Variants in BANK1 observed in about 807,000 individuals in gnomAD.
The protein encoded by BANK1 is B cell scaffold protein with ankyrin repeats 1.
In BANK1, 95 loss-of-function variants were observed where a neutral mutation model predicts 94.5. The ratio of observed to expected loss-of-function variants is 1.00; its 90% CI spans 0.85 to 1.19. The LOEUF is 1.19. Ranked by LOEUF, BANK1 falls within the 50% of genes most tolerant of loss-of-function variation. The pLI is 0.00. For synonymous variants in BANK1, 334 were observed against 308.4 expected (o/e 1.08, Z -0.87); for missense variants, 987 against 932.2 (o/e 1.06, Z -0.77).
intron 7 of BANK1, among the ~76,000 whole-genome samples, chr4:102,016,604 C>A (rs1195847974): frequency 6.6e-6 from 1 of 152,178 alleles, no homozygotes; most frequent in African/African-American, 2.4e-5. Flanking sequence ...TAATTTCCAT[C>A]ATCAGGGTCA....
At chr4:101,837,184 A>G (rs1179403990) in intron 2 of BANK1, among the ~76,000 whole-genome samples, 2 of 152,230 alleles carry the variant, frequency 1.3e-5, no homozygotes, top group Non-Finnish European at 2.9e-5. Context: ...TCACAAATTT[A>G]GACAATAATC....
intron 7 of BANK1, among the ~76,000 whole-genome samples, chr4:101,967,937 T>C (rs1578426805): frequency 1.3e-5 from 2 of 151,854 alleles, no homozygotes; most frequent in Admixed American, 1.3e-4. Context: ...TGCAGTAACA[T>C]AGAATTAGAA....
chr4:101,865,487 G>C (rs147195144), intron 4 of BANK1, among the ~76,000 whole-genome samples: 1 of 152,004 alleles, frequency 6.6e-6, no homozygotes, highest in African/African-American at 2.4e-5. Flanking sequence ...AAGGATAATC[G>C]TGGTGAAATA....
intron 5 of BANK1, among the ~76,000 whole-genome samples, chr4:101,875,983 C>T (rs1423563525): frequency 6.6e-6 from 1 of 152,046 alleles, no homozygotes; most frequent in Non-Finnish European, 1.5e-5. Context: ...GCTCATGGCT[C>T]CAAAAGAGAC....
intron 2 of BANK1, among the ~76,000 whole-genome samples, chr4:101,831,537 T>C (rs1205014282): frequency 6.6e-6 from 1 of 152,192 alleles, no homozygotes. Context: ...TGCAGTGGCA[T>C]GAACTTGGTT....
chr4:101,814,460 T>G (rs1725833227), intron 1 of BANK1, among the ~76,000 whole-genome samples: 1 of 152,202 alleles, frequency 6.6e-6, no homozygotes, highest in Non-Finnish European at 1.5e-5. Context: ...CCAACAGAGT[T>G]TTCTTTTTCT....
chr4:101,940,932 C>G (rs1395664042), intron 7 of BANK1, among the ~76,000 whole-genome samples: 3 of 151,698 alleles, frequency 2.0e-5, no homozygotes, highest in Non-Finnish European at 2.9e-5. Flanking sequence ...ACAATCCACA[C>G]TTAGGGAGTG....
chr4:102,011,513 G>T (rs369575695), intron 7 of BANK1, among the ~76,000 whole-genome samples: 1 of 152,130 alleles, frequency 6.6e-6, no homozygotes, highest in Admixed American at 6.5e-5. Flanking sequence ...CACCCTTCGC[G>T]CCTTGGGTAG....
intron 11 of BANK1, among the ~76,000 whole-genome samples, chr4:102,057,089 G>A (rs191128858): frequency 5.3e-5 from 8 of 152,218 alleles, no homozygotes; most frequent in Admixed American, 5.2e-4. Flanking sequence ...GGGATGCAGA[G>A]GCCTTACTTG....
chr4:101,799,502 C>T (rs1322618318), intron 1 of BANK1, among the ~76,000 whole-genome samples: 7 of 152,158 alleles, frequency 4.6e-5, no homozygotes, highest in African/African-American at 1.2e-4. Flanking sequence ...CACATGCACA[C>T]GTATGTTTAT....
Position 102,035,424 on chromosome 4 carries a change from G to A in BANK1, c.1900+5159G>A, listed in dbSNP as rs182252769. 6.8e-4 allele frequency among the ~76,000 whole-genome samples: 104 copies of A among 152,156 alleles called. No individual in the cohort carries two copies. In the East Asian group the frequency reaches 0.018, roughly 26 times the overall value. Reference sequence around the variant, plus strand: ...AGTACTTTGGGAGGCCGAGGCGGGCGGATCACGAGGTCAGGAGAGTGAGAC... The same window carrying A: ...AGTACTTTGGGAGGCCGAGGCGGGCAGATCACGAGGTCAGGAGAGTGAGAC... On this transcript the variant is annotated intron_variant, in intron 10 of 16. Coordinates refer to ENST00000322953, the MANE Select transcript of BANK1 (RefSeq NM_017935.5).
intron 1 of BANK1, among the ~76,000 whole-genome samples, chr4:101,827,149 A>C (rs1003512361): frequency 2.0e-5 from 3 of 151,884 alleles, no homozygotes; most frequent in Non-Finnish European, 4.4e-5. Flanking sequence ...GTGAAGAAAA[A>C]GAAAGCCATA....
intron 7 of BANK1, among the ~76,000 whole-genome samples, chr4:101,982,786 A>C (rs1725363760): frequency 6.6e-6 from 1 of 151,956 alleles, no homozygotes; most frequent in African/African-American, 2.4e-5. Flanking sequence ...CAATGAATAT[A>C]ATCATTAAGT....
At chr4:101,989,623 A>G (rs940480926) in intron 7 of BANK1, among the ~76,000 whole-genome samples, 8 of 150,706 alleles carry the variant, frequency 5.3e-5, no homozygotes, top group African/African-American at 2.0e-4. Flanking sequence ...CCTGAGTCTC[A>G]TTTCATCTGG....
rs369393040 is a variant in BANK1 at position 101,950,060 on chromosome 4, T to TGTGTGTGTGCGC, written c.1206+31872_1206+31873insTGTGTGTGCGCG. On this transcript the variant is annotated intron_variant, in intron 7 of 16. Transcript: ENST00000322953. ...GTGTGTGTGTGTGTGTGTGTGTGTG[T>TGTGTGTGTGCGC]GCGCGTGCGCGCGCATGTGCCTACA... Among the ~76,000 whole-genome samples the TGTGTGTGTGCGC allele has an allele frequency of 6.6e-4, 92 of 139,492 alleles. 1 individual carries two copies. The highest frequency in any genetic ancestry group is 3.6e-3 in the Middle Eastern group (1 of 278). 91.5% of individuals were successfully genotyped at this position (139,492 alleles called of 152,430 possible). A position where few individuals can be genotyped will look rare whatever the true frequency, so the allele number is the denominator to read the frequency against.
intron 7 of BANK1, among the ~76,000 whole-genome samples, chr4:102,009,318 C>T (rs563509816): frequency 1.3e-4 from 20 of 152,262 alleles, no homozygotes; most frequent in South Asian, 1.0e-3. Context: ...TCAATCTGGC[C>T]GACTTGTTTC....
chr4:101,906,216 G>C (rs1268934083), intron 6 of BANK1, among the ~76,000 whole-genome samples: 1 of 152,186 alleles, frequency 6.6e-6, no homozygotes, highest in Non-Finnish European at 1.5e-5. Context: ...ACTGGAAACA[G>C]CAACATTCTT....
At chr4:102,060,840 C>T (rs1728395091) in intron 12 of BANK1, among the ~76,000 whole-genome samples, 1 of 152,244 alleles carries the variant, frequency 6.6e-6, no homozygotes, top group East Asian at 1.9e-4. Flanking sequence ...TATACGTACA[C>T]ATACACACAT....
intron 7 of BANK1, among the ~76,000 whole-genome samples, chr4:101,939,285 C>T (rs181808930): frequency 2.0e-5 from 3 of 151,696 alleles, no homozygotes; most frequent in Non-Finnish European, 3.0e-5. Context: ...ATAACAAGAC[C>T]GTCTAAAATG....
Sources: gnomAD v4.1 joint callset for allele counts (sites outside exome capture counted in the v4.1 genomes callset) on GRCh38, gnomAD v4.1.1 for gene constraint, MANE v1.5 for transcripts, NCBI Gene and HGNC (gene_info 2026-07-23, HGNC 2026-07-21) for gene names.